KIF18A: variants seen among roughly 807,000 people sequenced by gnomAD.
The protein encoded by KIF18A is kinesin-like protein KIF18A.
Under a neutral mutation model 103.3 loss-of-function variants are expected in KIF18A, and 67 were observed. The ratio of observed to expected loss-of-function variants is 0.65; its 90% CI spans 0.53 to 0.79. KIF18A has a LOEUF of 0.79. KIF18A is among the 30% of genes least tolerant of loss of function. The pLI is 0.00. For synonymous variants in KIF18A, 367 were observed against 355.5 expected (o/e 1.03, Z -0.36); for missense variants, 1,032 against 1,062.5 (o/e 0.97, Z 0.40).
intron 10 of KIF18A, among the ~76,000 whole-genome samples, chr11:28,073,405 T>C (rs11030205): frequency 0.041 from 6,227 of 152,204 alleles, 199 homozygotes; most frequent in Middle Eastern, 0.065. Flanking sequence ...TTACTAAAAA[T>C]AGGAAGTCAC....
At chr11:28,098,705 A>G (rs1012581783) in intron 1 of KIF18A, among the ~76,000 whole-genome samples, 21 of 152,172 alleles carry the variant, frequency 1.4e-4, no homozygotes, top group African/African-American at 4.8e-4. Context: ...TAAGGAATCA[A>G]TGATAGCAGG....
chr11:28,063,691 T>C (rs1370660679), intron 11 of KIF18A, among the ~76,000 whole-genome samples: 1 of 151,822 alleles, frequency 6.6e-6, no homozygotes, highest in Non-Finnish European at 1.5e-5. Context: ...AACAATACAA[T>C]GAAAAAAATT....
intron 13 of KIF18A, among the ~76,000 whole-genome samples, chr11:28,042,747 T>G (rs1850577939): frequency 6.6e-6 from 1 of 151,850 alleles, no homozygotes; most frequent in African/African-American, 2.4e-5. Flanking sequence ...TTAACCAAAG[T>G]GATAACCTGA....
At chr11:28,036,801 G>A in intron 13 of KIF18A, 137 bp from the exon 14 acceptor site, 17 of 511,706 alleles carry the variant, frequency 3.3e-5, no homozygotes, top group Middle Eastern at 5.4e-4. Context: ...AATATAAGTT[G>A]GAAAGGAAAA....
intron 10 of KIF18A, among the ~76,000 whole-genome samples, chr11:28,073,145 C>A (rs186220582): frequency 7.9e-5 from 12 of 152,192 alleles, no homozygotes; most frequent in Admixed American, 1.3e-4. Flanking sequence ...CAACTCCAGT[C>A]CATTCATTGT....
At chr11:28,083,291 C>A (rs753090155) in intron 7 of KIF18A, 48 bp from the exon 8 acceptor site, 1 of 1,501,052 alleles carries the variant, frequency 6.7e-7, no homozygotes, top group Non-Finnish European at 8.8e-7. Context: ...ATAATAATCA[C>A]AGAGATAAAT....
intron 2 of KIF18A, among the ~76,000 whole-genome samples, chr11:28,096,237 T>C (rs1026228200): frequency 6.9e-6 from 1 of 145,886 alleles, no homozygotes; most frequent in African/African-American, 2.5e-5. Flanking sequence ...GAATTACATA[T>C]GGTAAACACC....
At position 28,038,003 on chromosome 11, in the gene KIF18A, A is replaced by AT. The variant is rs200335586; in HGVS notation, c.1949-1340dup. ...TGTCACCTGGGTTCCAAATTACTAG[A>AT]TTTTTTTTTCTACCTTTTCCCTTGC... On this transcript the variant is annotated intron_variant, in intron 13 of 16. Transcript: ENST00000263181. 7.4e-4 allele frequency among the ~76,000 whole-genome samples: 112 copies of AT among 150,732 alleles called. 1 individual carries two copies. In the East Asian group the frequency reaches 0.015, roughly 21 times the overall value.
At chr11:28,063,476 T>C (rs1039159914) in intron 11 of KIF18A, among the ~76,000 whole-genome samples, 4 of 152,052 alleles carry the variant, frequency 2.6e-5, no homozygotes, top group Admixed American at 2.0e-4. Context: ...TAGGCAAAAG[T>C]GTGAAAATGT....
chr11:28,107,583 C>A (rs948109594), intron 1 of KIF18A, among the ~76,000 whole-genome samples: 2 of 152,124 alleles, frequency 1.3e-5, no homozygotes, highest in African/African-American at 4.8e-5. Flanking sequence ...CCCGATTGAC[C>A]AGTGCAAGAC....
intron 13 of KIF18A, among the ~76,000 whole-genome samples, chr11:28,050,951 T>A (rs1466117888): frequency 6.6e-6 from 1 of 151,754 alleles, no homozygotes; most frequent in Non-Finnish European, 1.5e-5. Flanking sequence ...AAATAAGAAT[T>A]TAGGCTTATT....
intron 13 of KIF18A, 104 bp from the exon 14 acceptor site, chr11:28,036,768 T>G: frequency 1.6e-6 from 1 of 623,502 alleles, no homozygotes; most frequent in South Asian, 4.0e-5. Context: ...GGTATTTTTA[T>G]GCCAATTGAT....
At chr11:28,071,821 T>C (rs1332326198) in intron 10 of KIF18A, among the ~76,000 whole-genome samples, 1 of 152,140 alleles carries the variant, frequency 6.6e-6, no homozygotes, top group Non-Finnish European at 1.5e-5. Context: ...GTCTGAAAAA[T>C]GAAGATGAAA....
intron 1 of KIF18A, among the ~76,000 whole-genome samples, chr11:28,104,301 T>C (rs947787330): frequency 2.6e-5 from 4 of 152,202 alleles, no homozygotes; most frequent in African/African-American, 9.6e-5. Flanking sequence ...TACCATGGCC[T>C]ATAAATTCCA....
At chr11:28,107,069 T>C (rs545742579) in intron 1 of KIF18A, among the ~76,000 whole-genome samples, 1 of 152,244 alleles carries the variant, frequency 6.6e-6, no homozygotes, top group Non-Finnish European at 1.5e-5. Context: ...TTGTAGATAA[T>C]CTTTGTTTAT....
At chr11:28,025,128 A>G (rs756652891) in intron 15 of KIF18A, among the ~76,000 whole-genome samples, 1 of 152,080 alleles carries the variant, frequency 6.6e-6, no homozygotes, top group Non-Finnish European at 1.5e-5. Flanking sequence ...GCGGTTGACC[A>G]TGGGTAACTG....
chr11:28,076,322 T>G (rs544814802), intron 10 of KIF18A, among the ~76,000 whole-genome samples: 2 of 152,280 alleles, frequency 1.3e-5, no homozygotes, highest in East Asian at 3.9e-4. Context: ...AATCTCCTGT[T>G]GGTCTAAGTT....
At chr11:28,069,044 A>G (rs1375494407) in intron 11 of KIF18A, among the ~76,000 whole-genome samples, 3 of 152,196 alleles carry the variant, frequency 2.0e-5, no homozygotes, top group Non-Finnish European at 4.4e-5. Context: ...TGAATCCTCA[A>G]GTGCAGGTTG....
chr11:28,027,520 C>T (rs1174433523), intron 15 of KIF18A, among the ~76,000 whole-genome samples: 5 of 151,884 alleles, frequency 3.3e-5, no homozygotes, highest in Middle Eastern at 3.4e-3. Context: ...TTCTCTCACT[C>T]CCTTCTGAGA....
Sources: allele counts gnomAD v4.1 joint callset (sites outside exome capture counted in the v4.1 genomes callset), GRCh38; gene constraint gnomAD v4.1.1; transcripts MANE v1.5; gene names NCBI Gene and HGNC (gene_info 2026-07-23, HGNC 2026-07-21).